FAM118B: variants seen among roughly 807,000 people sequenced by gnomAD.
FAM118B encodes protein FAM118B.
FAM118B carries 24 observed loss-of-function variants against 38.5 expected under a neutral mutation model. The ratio of observed to expected loss-of-function variants is 0.62; its 90% CI spans 0.45 to 0.88. The LOEUF (loss-of-function observed/expected upper bound fraction) is 0.88. Ranked by LOEUF, FAM118B falls within the 40% of genes least tolerant of loss-of-function variation. The pLI is 0.00. For missense variants in FAM118B, 334 were observed against 420.0 expected, an observed-to-expected ratio of 0.80 and a Z score of 1.79; for synonymous variants, 138 against 156.3, an observed-to-expected ratio of 0.88 and a Z score of 0.87.
intron 2 of FAM118B, among the ~76,000 whole-genome samples, chr11:126,231,343 AAGTGTGAACT>A (rs1348845288): frequency 6.6e-6 from 1 of 152,198 alleles, no homozygotes; most frequent in African/African-American, 2.4e-5. Context: ...AAAAAAATTA[AAGTGTGAACT>A]AGCTTTGAAG....
In FAM118B at chr11:126,250,221, A is replaced by G. The variant is rs910145849; in HGVS notation, c.340-285A>G. On this transcript the variant is annotated intron_variant, in intron 4 of 8. Transcript: ENST00000533050. This position sits in a 1 kb window ranked among gnomAD's most constrained non-coding sequence, Gnocchi z 5.1. The stretch of plus-strand genomic sequence containing the variant: ...ATTCTCCTGCCTCAGCCTCCCAAGT[A>G]GCTGGGACTACAGGCGCCTGTCACC... Among the ~76,000 whole-genome samples, 2 of 151,632 alleles carry G rather than the reference A, an allele frequency of 1.3e-5. No homozygotes were observed. The highest frequency in any genetic ancestry group is 6.6e-5 in the Admixed American group (1 of 15,198).
At position 126,240,410 on chromosome 11, in the gene FAM118B, A is replaced by G. The variant is rs939250915; in HGVS notation, c.87-382A>G. 5.9e-5 allele frequency among the ~76,000 whole-genome samples: 9 copies of G among 152,224 alleles called. No homozygotes were observed. The East Asian group carries it at 1.7e-3, about 29-fold the overall frequency. On this transcript the variant is annotated intron_variant, in intron 3 of 8. Coordinates refer to ENST00000533050, the MANE Select transcript of FAM118B (RefSeq NM_024556.4). The stretch of plus-strand genomic sequence containing the variant: ...GGGTTCTTTTCTCTTTTTCTAGAGT[A>G]CAAATCAAACGTCTTCTTTTGAAAT...
At chr11:126,254,142 G>A (rs1950542153) in intron 5 of FAM118B, among the ~76,000 whole-genome samples, 163 bp from the exon 6 acceptor site, 1 of 152,206 alleles carries the variant, frequency 6.6e-6, no homozygotes, top group Non-Finnish European at 1.5e-5. Flanking sequence ...CATTCCTGAA[G>A]TGGAAACTTA....
chr11:126,233,906 A>C (rs1238453569), intron 2 of FAM118B, among the ~76,000 whole-genome samples: 1 of 151,974 alleles, frequency 6.6e-6, no homozygotes, highest in African/African-American at 2.4e-5. Context: ...ACATGGCAAA[A>C]CCCCCTCTCT....
At chr11:126,239,610 C>T (rs1950329170) in intron 3 of FAM118B, among the ~76,000 whole-genome samples, 1 of 152,090 alleles carries the variant, frequency 6.6e-6, no homozygotes, top group South Asian at 2.1e-4. Context: ...CTGGTACATA[C>T]AGGTTTTCCT....
chr11:126,251,754 A>T, intron 5 of FAM118B, among the ~76,000 whole-genome samples: 1 of 140,506 alleles, frequency 7.1e-6, no homozygotes, highest in Non-Finnish European at 1.5e-5. Flanking sequence ...TTTTTGAGAG[A>T]CAGTTTCGCT....
Position 126,225,825 on chromosome 11 carries a change from C to A in FAM118B, c.-76-3400C>A, listed in dbSNP as rs180677205. ...TGGAACCCTGTCTTTACTAAAAATACAAAAATTAGCTGGGCGTGGTGGTGG... is the reference window on the plus strand; with the variant it reads ...TGGAACCCTGTCTTTACTAAAAATAAAAAAATTAGCTGGGCGTGGTGGTGG... On this transcript the variant is annotated intron_variant, in intron 1 of 8. Coordinates refer to ENST00000533050, the MANE Select transcript of FAM118B (RefSeq NM_024556.4). Among the ~76,000 whole-genome samples the A allele has an allele frequency of 3.4e-4, 51 of 152,118 alleles. No individual in the cohort carries two copies. The East Asian group carries it at 7.9e-3, about 24-fold the overall frequency.
intron 1 of FAM118B, among the ~76,000 whole-genome samples, chr11:126,225,747 A>G (rs540845238): frequency 6.6e-6 from 1 of 152,318 alleles, no homozygotes; most frequent in Admixed American, 6.5e-5. Context: ...TGGGAGGCCA[A>G]GGCAGGCAGA....
rs1950515181 is a variant in FAM118B at position 126,252,286 on chromosome 11, A to G, written c.567+1553A>G. On this transcript the variant is annotated intron_variant, in intron 5 of 8. Coordinates refer to ENST00000533050, the MANE Select transcript of FAM118B (RefSeq NM_024556.4). The surrounding 1 kb of genome is among the most constrained non-coding windows in gnomAD (Gnocchi z 4.7). ...ACAGGCATGAGCCACCACACCCAGC[A>G]CAGTTTTTATCTTGGCTGTTTATCT... Among the ~76,000 whole-genome samples, 1 of 152,042 alleles carries G rather than the reference A, an allele frequency of 6.6e-6. No individual in the cohort carries two copies. Among genetic ancestry groups the G allele is most frequent in the African/African-American group, 2.4e-5 (1 of 41,402 alleles).
intron 4 of FAM118B, among the ~76,000 whole-genome samples, chr11:126,241,572 G>A (rs940667228): frequency 6.6e-5 from 10 of 151,006 alleles, no homozygotes; most frequent in African/African-American, 2.2e-4. Context: ...ATTTTTTGAT[G>A]GAATCTTCTT....
At chr11:126,249,737 A>G (rs1292169931) in intron 4 of FAM118B, among the ~76,000 whole-genome samples, 3 of 145,296 alleles carry the variant, frequency 2.1e-5, no homozygotes, top group Non-Finnish European at 4.6e-5. Flanking sequence ...GTCTCAAAAA[A>G]AAAAAAAAAA....
At chr11:126,243,891 A>G (rs959178106) in intron 4 of FAM118B, among the ~76,000 whole-genome samples, 2 of 147,050 alleles carry the variant, frequency 1.4e-5, no homozygotes, top group African/African-American at 5.1e-5. Context: ...ACGACAGAGC[A>G]AGACTCCGTC....
rs899334273 is a variant in FAM118B at position 126,253,159 on chromosome 11, C to G, written c.568-1146C>G. On this transcript the variant is annotated intron_variant, in intron 5 of 8. Transcript: ENST00000533050. This position sits in a 1 kb window ranked among gnomAD's most constrained non-coding sequence, Gnocchi z 5.1. Reference sequence around the variant, plus strand: ...CAGAAGCATAAGGACCTTTTAAAAGCTGAGGATATCTATCACATTTGATGT... The same window carrying G: ...CAGAAGCATAAGGACCTTTTAAAAGGTGAGGATATCTATCACATTTGATGT... Among the ~76,000 whole-genome samples, 2 of 152,184 alleles carry G rather than the reference C, an allele frequency of 1.3e-5. No individual in the cohort carries two copies. The highest frequency in any genetic ancestry group is 1.3e-4 in the Admixed American group (2 of 15,272).
At chr11:126,218,265 C>G (rs991044621) in intron 1 of FAM118B, among the ~76,000 whole-genome samples, 4 of 152,192 alleles carry the variant, frequency 2.6e-5, no homozygotes, top group Admixed American at 2.6e-4. Context: ...TGATGTGGGC[C>G]TTTGCACCTG....
intron 1 of FAM118B, among the ~76,000 whole-genome samples, chr11:126,214,702 C>T (rs749991708): frequency 2.6e-5 from 4 of 151,716 alleles, no homozygotes; most frequent in Non-Finnish European, 4.4e-5. Flanking sequence ...TTGCAGACTA[C>T]GGCTCTGTTC....
chr11:126,254,428 G>A lies in FAM118B; in HGVS notation c.691G>A (p.Val231Ile), dbSNP rs750143118. 1.2e-6 allele frequency: 2 copies of A among 1,614,186 alleles called. No homozygotes were observed. Residue 231 changes from valine to isoleucine, a missense_variant, in exon 6 of 9, where the codon GTC (valine) becomes ATC (isoleucine). Physicochemically the swap from Val to Ile is conservative, Grantham distance 29. This residue lies in a region of FAM118B where 240 missense variants were observed against 295.9 expected (regional missense o/e 0.81). Coordinates refer to ENST00000533050, the MANE Select transcript of FAM118B (RefSeq NM_024556.4). ...GYQNVLRNTE[V>I]MREIQKLYEN... The stretch of plus-strand genomic sequence containing the variant: ...TCAGAACGTGCTCAGGAACACTGAA[G>A]TCATGGTGAGTGGGGCTGATCTTGC...
intron 2 of FAM118B, 50 bp from the exon 3 acceptor site, chr11:126,234,945 A>T: frequency 7.1e-7 from 1 of 1,416,720 alleles, no homozygotes; most frequent in Non-Finnish European, 9.9e-7. Context: ...TATTTTGAAT[A>T]GTATACTTTA....
upstream of FAM118B, chr11:126,211,775 T>A (rs1257532308): frequency 4.1e-6 from 4 of 968,214 alleles, no homozygotes; most frequent in African/African-American, 3.3e-5. Flanking sequence ...GCGCGCTCAG[T>A]GCGGCTGCGC....
intron 1 of FAM118B, among the ~76,000 whole-genome samples, chr11:126,215,627 G>A (rs1380170655): frequency 6.7e-6 from 1 of 148,998 alleles, no homozygotes; most frequent in Non-Finnish European, 1.5e-5. Context: ...AACCCAGGAG[G>A]CAGAGCTTGC....
Sources: allele counts gnomAD v4.1 joint callset (sites outside exome capture counted in the v4.1 genomes callset), GRCh38; gene constraint gnomAD v4.1.1; regional missense constraint gnomAD v4.1.1; non-coding constraint Gnocchi (gnomAD v3.1); transcripts MANE v1.5; gene names NCBI Gene and HGNC (gene_info 2026-07-23, HGNC 2026-07-21).